The following H1-8 variants were observed in gnomAD, a reference collection of about 807,000 sequenced individuals.
H1-8 encodes histone H1.8.
A neutral mutation model predicts 19.5 loss-of-function variants in H1-8; 13 were observed. The observed-to-expected ratio is 0.67, with a 90% CI of 0.43 to 1.06. The LOEUF (loss-of-function observed/expected upper bound fraction) is 1.06. H1-8 is among the 50% of genes least tolerant of loss of function. The pLI is 0.00. For missense variants in H1-8, 432 were observed against 459.8 expected, an observed-to-expected ratio of 0.94 and a Z score of 0.55; for synonymous variants, 193 against 187.6, an observed-to-expected ratio of 1.03 and a Z score of -0.24.
chr3:129,549,133 G>C lies in H1-8; in HGVS notation c.511G>C (p.Gly171Arg), dbSNP rs138985763. ...GGCCAAGGAGGACCCTCCCAACGTGGGCAAGGTGAAAAAGGCAGCCAAGAG... is the reference window on the plus strand; with the variant it reads ...GGCCAAGGAGGACCCTCCCAACGTGCGCAAGGTGAAAAAGGCAGCCAAGAG... Reference protein sequence around the residue: ...SEAKEDPPNVGKVKKAAKRPA... With the variant: ...SEAKEDPPNVRKVKKAAKRPA... Residue 171 changes from glycine to arginine, a missense_variant, in exon 3 of 5, where the codon GGC (glycine) becomes CGC (arginine). By Grantham distance (125) the Gly-to-Arg change is moderately radical. Transcript: ENST00000324382. 5.7e-6 allele frequency: 9 copies of C among 1,579,444 alleles called. No individual in the cohort carries two copies. Among genetic ancestry groups the C allele is most frequent in the Non-Finnish European group, 7.7e-6 (9 of 1,161,714 alleles).
rs1257447344 is a variant in H1-8, at chr3:129,547,583, A to C, written c.281A>C (p.Lys94Thr). The change falls in exon 2 of 5, where the codon AAG (lysine) becomes ACG (threonine). Residue 94 changes from lysine (K) to threonine (T), a missense_variant. Transcript: ENST00000324382. ...KYPTVDVLRF[K>T]YLLKQALATG... ...CCAACAGTGGACGTCCTCCGCTTCA[A>C]GTACCTGCTGAAGCAGGCGCTGGCC... 6.4e-7 allele frequency: 1 copy of C among 1,562,728 alleles called. No homozygotes were observed. Among genetic ancestry groups the C allele is most frequent in the Non-Finnish European group, 8.7e-7 (1 of 1,153,724 alleles).
Position 129,549,381 on chromosome 3 carries a change from T to C in H1-8, c.742+17T>C, listed in dbSNP as rs1206271722. 2 of 1,524,170 alleles carry C rather than the reference T, an allele frequency of 1.3e-6. No homozygotes were observed. The highest frequency in any genetic ancestry group is 1.8e-6 in the Non-Finnish European group (2 of 1,139,316). The allele number at this position is 1,524,170 out of a possible 1,614,324, so 94.4% of individuals were successfully genotyped here. On this transcript the variant is annotated intron_variant, in intron 3 of 4. Transcript: ENST00000324382. Reference sequence around the variant, plus strand: ...GCAGCCAAGGTAGTTGTGTGACTTGTAGGGGGTGGTGTGGGGATGGGGGTC... The same window carrying C: ...GCAGCCAAGGTAGTTGTGTGACTTGCAGGGGGTGGTGTGGGGATGGGGGTC...
At chr3:129,549,515 T>A in intron 3 of H1-8, 151 bp downstream of exon 3, 1 of 928,678 alleles carries the variant, frequency 1.1e-6, no homozygotes, top group Non-Finnish European at 1.6e-6. Context: ...GAACTCATGG[T>A]AGCTGGTTGG....
At chr3:129,546,116 CAATAACAATAAT>C (rs1385823501) in intron 1 of H1-8, among the ~76,000 whole-genome samples, 28 of 112,194 alleles carry the variant, frequency 2.5e-4, no homozygotes, top group African/African-American at 6.3e-4. Flanking sequence ...TGTCAAATAA[CAATAACAATAAT>C]AATAATAATA....
At chr3:129,543,703 C>T (rs562105353) in intron 1 of H1-8, among the ~76,000 whole-genome samples, 1 of 152,212 alleles carries the variant, frequency 6.6e-6, no homozygotes, top group South Asian at 2.1e-4. Flanking sequence ...GATTTTCAAC[C>T]AAAAAACACC....
At chr3:129,545,077 T>G (rs2108754246) in intron 1 of H1-8, among the ~76,000 whole-genome samples, 1 of 151,724 alleles carries the variant, frequency 6.6e-6, no homozygotes, top group African/African-American at 2.4e-5. Context: ...TTTTTTTTTT[T>G]TGAGACAGGG....
chr3:129,551,445 C>G lies in H1-8; in HGVS notation c.*105C>G, dbSNP rs1393389320. Reference sequence around the variant, plus strand: ...ATTGTAAGCTATTTATCAATAAAGACTTTTGTTTCTTTTTCCTCACAATTG... The same window carrying G: ...ATTGTAAGCTATTTATCAATAAAGAGTTTTGTTTCTTTTTCCTCACAATTG... On this transcript the variant is annotated 3_prime_UTR_variant, in exon 5 of 5. Coordinates refer to ENST00000324382, the MANE Select transcript of H1-8 (RefSeq NM_153833.3). 1.3e-6 allele frequency: 1 copy of G among 777,770 alleles called. No individual in the cohort carries two copies. Among genetic ancestry groups the G allele is most frequent in the East Asian group, 2.7e-5 (1 of 37,014 alleles). 48.2% of individuals were successfully genotyped at this position (777,770 alleles called of 1,614,324 possible).
At chr3:129,550,042 G>A (rs1322633999) in intron 3 of H1-8, among the ~76,000 whole-genome samples, 1 of 152,188 alleles carries the variant, frequency 6.6e-6, no homozygotes, top group Non-Finnish European at 1.5e-5. Context: ...AGCTGTGAAG[G>A]GCAGCTGGAA....
intron 1 of H1-8, among the ~76,000 whole-genome samples, chr3:129,544,221 G>A (rs2084871784): frequency 6.6e-6 from 1 of 152,196 alleles, no homozygotes; most frequent in African/African-American, 2.4e-5. Flanking sequence ...AAGGAGGGAA[G>A]TGCTGGGGCA....
At position 129,549,433 on chromosome 3, in the gene H1-8, G is replaced by A. The variant is rs1056205586; in HGVS notation, c.742+69G>A. On this transcript the variant is annotated intron_variant, in intron 3 of 4. Coordinates refer to ENST00000324382, the MANE Select transcript of H1-8 (RefSeq NM_153833.3). The stretch of plus-strand genomic sequence containing the variant: ...TGACAGCCACTGGAGCGGGGGCGGG[G>A]AGCCAGCTCTGGAGAGGGGTTTCCT... 8 of 1,500,718 alleles carry A rather than the reference G, an allele frequency of 5.3e-6. No homozygotes were observed. The Admixed American group carries it at 1.1e-4, about 21-fold the overall frequency. The allele number at this position is 1,500,718 out of a possible 1,614,324, so 93.0% of individuals were successfully genotyped here.
At position 129,547,688 on chromosome 3, in the gene H1-8, C is replaced by T. The variant is rs1188479134; in HGVS notation, c.378+8C>T. On this transcript the variant is annotated splice_region_variant and intron_variant, in intron 2 of 4. Coordinates refer to ENST00000324382, the MANE Select transcript of H1-8 (RefSeq NM_153833.3). Reference sequence around the variant, plus strand: ...GCCACTGGCAGCTTCAAAGTAAGCGCCCCTGAGGGAGGACATAGCCCAGGG... The same window carrying T: ...GCCACTGGCAGCTTCAAAGTAAGCGTCCCTGAGGGAGGACATAGCCCAGGG... 9.8e-6 allele frequency: 15 copies of T among 1,534,580 alleles called. No homozygotes were observed. Among genetic ancestry groups the T allele is most frequent in the African/African-American group, 1.4e-5 (1 of 72,616 alleles).
chr3:129,543,833 A>G (rs2084869403), intron 1 of H1-8, among the ~76,000 whole-genome samples: 1 of 152,102 alleles, frequency 6.6e-6, no homozygotes, highest in South Asian at 2.1e-4. Context: ...TGCTAATGTG[A>G]TGTGTGCTTC....
At chr3:129,547,039 A>T (rs2084893787) in intron 1 of H1-8, among the ~76,000 whole-genome samples, 1 of 152,122 alleles carries the variant, frequency 6.6e-6, no homozygotes, top group African/African-American at 2.4e-5. Context: ...CTCTACTAAA[A>T]ATACAAAAAT....
intron 1 of H1-8, among the ~76,000 whole-genome samples, chr3:129,546,119 TAAC>T (rs374458257): frequency 0.042 from 4,535 of 108,372 alleles, 212 homozygotes; most frequent in African/African-American, 0.14. Flanking sequence ...CAAATAACAA[TAAC>T]AATAATAATA....
chr3:129,548,928 G>T, intron 2 of H1-8, 73 bp from the exon 3 acceptor site: 1 of 1,519,320 alleles, frequency 6.6e-7, no homozygotes, highest in Non-Finnish European at 8.8e-7. Context: ...CTCCCATTCG[G>T]AGTCTTACGG....
chr3:129,543,562 G>A (rs1042256352), intron 1 of H1-8, among the ~76,000 whole-genome samples: 1 of 151,836 alleles, frequency 6.6e-6, no homozygotes, highest in African/African-American at 2.4e-5. Flanking sequence ...GCCTCGCTCA[G>A]GGAAGAGCCA....
In H1-8 at chr3:129,547,318, C is replaced by T. The variant is rs558605379; in HGVS notation, c.89-73C>T. On this transcript the variant is annotated intron_variant, in intron 1 of 4. Coordinates refer to ENST00000324382, the MANE Select transcript of H1-8 (RefSeq NM_153833.3). ...GATCCTTGCTGGACCCTCACCCACC[C>T]CCCACGGGCCAGCTGATGCCTGCCA... 368 of 1,416,756 alleles carry T rather than the reference C, an allele frequency of 2.6e-4. 4 individuals carry two copies. The South Asian group carries it at 4.6e-3, about 18-fold the overall frequency. 87.8% of individuals were successfully genotyped at this position (1,416,756 alleles called of 1,614,324 possible).
chr3:129,547,031 C>G (rs1444952677), intron 1 of H1-8, among the ~76,000 whole-genome samples: 1 of 152,114 alleles, frequency 6.6e-6, no homozygotes, highest in Non-Finnish European at 1.5e-5. Context: ...AACCTTGTCT[C>G]TACTAAAAAT....
rs1324775704 is a variant in H1-8 at position 129,550,780 on chromosome 3, A to G, written c.778A>G (p.Ser260Gly). The stretch of plus-strand genomic sequence containing the variant: ...GGCCTACAGGAAAACCAAAGCTGAG[A>G]GTAAGAGTTCAAAACCCACGGCCAG... ...AEAYRKTKAE[S>G]KSSKPTASKV... Residue 260 changes from serine to glycine, a missense_variant, in exon 4 of 5, where the codon AGT becomes GGT. Coordinates refer to ENST00000324382, the MANE Select transcript of H1-8 (RefSeq NM_153833.3). 1 of 1,614,076 alleles carries G rather than the reference A, an allele frequency of 6.2e-7. No homozygotes were observed.
Sources: gnomAD v4.1 joint callset for allele counts (sites outside exome capture counted in the v4.1 genomes callset) on GRCh38, gnomAD v4.1.1 for gene constraint, MANE v1.5 for transcripts, NCBI Gene and HGNC (gene_info 2026-07-23, HGNC 2026-07-21) for gene names.